The following CDH19 variants were observed in gnomAD, a reference collection of about 807,000 sequenced individuals.
CDH19 encodes cadherin-19.
A neutral mutation model predicts 64.2 loss-of-function variants in CDH19; 67 were observed. That is an observed-to-expected ratio of 1.04 (90% CI 0.86 to 1.28). The LOEUF (loss-of-function observed/expected upper bound fraction) is 1.28. CDH19 is among the 50% of genes most tolerant of loss of function. The pLI is 0.00. For synonymous variants in CDH19, 346 were observed against 319.3 expected (o/e 1.08, Z -0.89); for missense variants, 1,030 against 929.0 (o/e 1.11, Z -1.41).
At chr18:66,578,900 G>T (rs577615241) in intron 1 of CDH19, among the ~76,000 whole-genome samples, 1 of 151,976 alleles carries the variant, frequency 6.6e-6, no homozygotes, top group South Asian at 2.1e-4. Context: ...CAGGTTGTGT[G>T]TTTCCTTTTG....
chr18:66,532,689 CA>C (rs1159676508), intron 8 of CDH19: 1 of 446,860 alleles, frequency 2.2e-6, no homozygotes, highest in South Asian at 1.6e-5. Flanking sequence ...ATGTAATCTT[CA>C]AGGAATACAG....
chr18:66,526,993 A>C (rs949544772), intron 9 of CDH19, among the ~76,000 whole-genome samples: 1 of 151,626 alleles, frequency 6.6e-6, no homozygotes. Flanking sequence ...AAAATCAGGG[A>C]TAGTTTCCAA....
chr18:66,544,302 T>A, intron 6 of CDH19, 78 bp from the exon 7 acceptor site: 1 of 1,361,916 alleles, frequency 7.3e-7, no homozygotes. Flanking sequence ...GTTTTACCTG[T>A]TAAATTAAGT....
At chr18:66,520,252 T>C (rs1259321192) in intron 9 of CDH19, among the ~76,000 whole-genome samples, 1 of 150,658 alleles carries the variant, frequency 6.6e-6, no homozygotes, top group Non-Finnish European at 1.5e-5. Context: ...GAAAGAGAAA[T>C]AGAGCAGCCT....
At chr18:66,535,617 A>T (rs8090588) in intron 7 of CDH19, among the ~76,000 whole-genome samples, 5,468 of 145,486 alleles carry the variant, frequency 0.038, 311 homozygotes, top group African/African-American at 0.13. Flanking sequence ...CAAAATATTT[A>T]TATATATATA....
rs371022067 is a variant in CDH19, at chr18:66,544,195, G to A, written c.990C>T (p.Tyr330=). The change falls in exon 7 of 12, where the codon TAC becomes TAT. Residue 330 remains tyrosine (Y), a synonymous_variant. Transcript: ENST00000262150. ...KKVDFEHQNH[Y]GIRAKVKNHH... The stretch of plus-strand genomic sequence containing the variant: ...GGTTTTTAACTTTTGCTCTAATACC[G>A]TAGTGGTTCTGGTGCTCAAAATCCA... The A allele has an allele frequency of 2.5e-4, 410 of 1,613,338 alleles. No individual in the cohort carries two copies. The highest frequency in any genetic ancestry group is 3.1e-4 in the Non-Finnish European group (370 of 1,179,574).
chr18:66,505,417 CA>C, intron 11 of CDH19, 115 bp from the exon 12 acceptor site: 1 of 776,452 alleles, frequency 1.3e-6, no homozygotes, highest in Non-Finnish European at 1.8e-6. Flanking sequence ...GATTATAAAA[CA>C]AAAAGATACA....
Position 66,511,622 on chromosome 18 carries a change from T to C in CDH19, c.1522A>G (p.Asn508Asp), listed in dbSNP as rs749331815. 6.4e-7 allele frequency: 1 copy of C among 1,571,026 alleles called. No individual in the cohort carries two copies. Among genetic ancestry groups the C allele is most frequent in the South Asian group, 1.1e-5 (1 of 90,068 alleles). Residue 508 changes from asparagine to aspartate, a missense_variant, in exon 10 of 12, where the codon AAT (asparagine) becomes GAT (aspartate). Asn to Asp is a conservative substitution (Grantham distance 23). Transcript: ENST00000262150. ...ESIEEHHFYF[N>D]LSVEDTNNSS... is the part of the protein sequence containing the mutation. ...TTGTTAGTGTCTTCTACAGATAGATTAAAGTAAAAATGGTGCTCTTCTATG... is the reference window on the plus strand; with the variant it reads ...TTGTTAGTGTCTTCTACAGATAGATCAAAGTAAAAATGGTGCTCTTCTATG...
chr18:66,600,952 C>T (rs922647821), intron 1 of CDH19, among the ~76,000 whole-genome samples: 6 of 151,796 alleles, frequency 4.0e-5, no homozygotes, highest in African/African-American at 1.4e-4. Flanking sequence ...ACATTATAGC[C>T]CATTTATTTC....
In CDH19 at chr18:66,543,174, C is replaced by T. The variant is rs182398161; in HGVS notation, c.1214+797G>A. Reference sequence around the variant, plus strand: ...CTGAGTAGCTGGGACTACAGGTGCCCGCCGCCACGCCTGGCTAATTTTGTT... The same window carrying T: ...CTGAGTAGCTGGGACTACAGGTGCCTGCCGCCACGCCTGGCTAATTTTGTT... On this transcript the variant is annotated intron_variant, in intron 7 of 11. Coordinates refer to ENST00000262150, the MANE Select transcript of CDH19 (RefSeq NM_021153.4). Among the ~76,000 whole-genome samples the T allele has an allele frequency of 2.0e-5, 3 of 152,120 alleles. No homozygotes were observed. In the East Asian group the frequency reaches 5.9e-4, roughly 30 times the overall value.
intron 1 of CDH19, among the ~76,000 whole-genome samples, chr18:66,575,122 T>C (rs1299801492): frequency 6.6e-6 from 1 of 151,784 alleles, no homozygotes; most frequent in Non-Finnish European, 1.5e-5. Context: ...ATTTCCTCCA[T>C]GGAACAGCAC....
At chr18:66,516,929 G>A (rs1445845360) in intron 9 of CDH19, among the ~76,000 whole-genome samples, 1 of 152,062 alleles carries the variant, frequency 6.6e-6, no homozygotes. Context: ...TGGATATGGA[G>A]AATAAAGACT....
At chr18:66,588,629 T>C (rs1385777083) in intron 1 of CDH19, among the ~76,000 whole-genome samples, 1 of 141,450 alleles carries the variant, frequency 7.1e-6, no homozygotes, top group Admixed American at 7.1e-5. Context: ...TCTATATCTA[T>C]ATATATATAG....
chr18:66,520,133 C>A (rs1032401096), intron 9 of CDH19, among the ~76,000 whole-genome samples: 1 of 151,976 alleles, frequency 6.6e-6, no homozygotes, highest in Non-Finnish European at 1.5e-5. Context: ...TGCAGTGAGC[C>A]GAGATTGCAC....
chr18:66,514,694 A>G (rs769994361), intron 9 of CDH19, among the ~76,000 whole-genome samples: 2 of 151,556 alleles, frequency 1.3e-5, no homozygotes, highest in Non-Finnish European at 3.0e-5. Context: ...GAGAATAAAG[A>G]TAATCATTTG....
chr18:66,568,549 T>G lies in CDH19; in HGVS notation c.357A>C (p.Val119=). ...CAGCCCTTCCAGTAGCGATGTCTAT[T>G]ACCTGGGCTCTTAAGATGTAGAGGG... is the stretch of plus-strand genomic sequence containing the variant. The part of the protein sequence containing the change: ...ERSLYILRAQ[V]IDIATGRAVE... Residue 119 remains valine (V), a synonymous_variant, in exon 3 of 12, where the codon GTA becomes GTC. Transcript: ENST00000262150. 1 of 1,612,374 alleles carries G rather than the reference T, an allele frequency of 6.2e-7. No homozygotes were observed. The highest frequency in any genetic ancestry group is 1.7e-4 in the Middle Eastern group (1 of 6,054).
At chr18:66,582,860 G>A (rs1258836296) in intron 1 of CDH19, among the ~76,000 whole-genome samples, 3 of 152,074 alleles carry the variant, frequency 2.0e-5, no homozygotes, top group South Asian at 2.1e-4. Context: ...GTGGATTAAT[G>A]AGCAGCATAT....
In CDH19 at chr18:66,583,346, C is replaced by T. The variant is rs551517324; in HGVS notation, c.-112-11030G>A. On this transcript the variant is annotated intron_variant, in intron 1 of 11. Coordinates refer to ENST00000262150, the MANE Select transcript of CDH19 (RefSeq NM_021153.4). ...TAAAAACATGATTTTCTTTTTTTAA[C>T]TTTTATTTTGTGTTTGGAGGTACAT... Among the ~76,000 whole-genome samples, 26 of 151,904 alleles carry T rather than the reference C, an allele frequency of 1.7e-4. 2 individuals are homozygous for T. The highest frequency in any genetic ancestry group is 5.8e-4 in the African/African-American group (24 of 41,442).
At chr18:66,545,969 A>G (rs1170852650) in intron 5 of CDH19, among the ~76,000 whole-genome samples, 1 of 151,564 alleles carries the variant, frequency 6.6e-6, no homozygotes, top group Non-Finnish European at 1.5e-5. Context: ...ATTTTTCAGG[A>G]GTAACTTGTG....
Sources: gnomAD v4.1 joint callset for allele counts (sites outside exome capture counted in the v4.1 genomes callset) on GRCh38, gnomAD v4.1.1 for gene constraint, MANE v1.5 for transcripts, NCBI Gene and HGNC (gene_info 2026-07-23, HGNC 2026-07-21) for gene names.